Variants in ALG8 observed in about 807,000 individuals in gnomAD.
ALG8 encodes the protein ALG8 alpha-1,3-glucosyltransferase.
ALG8 carries 48 observed loss-of-function variants against 70.2 expected under a neutral mutation model. The ratio of observed to expected loss-of-function variants is 0.68; its 90% confidence interval spans 0.54 to 0.87. The LOEUF (loss-of-function observed/expected upper bound fraction) is 0.87. Among genes scored for constraint, ALG8 ranks in the 40% least tolerant of loss-of-function variants. ALG8 has a pLI of 0.00. For synonymous variants in ALG8, 234 were observed against 229.0 expected, an observed-to-expected ratio of 1.02 and a Z score of -0.20; for missense variants, 572 against 608.7, an observed-to-expected ratio of 0.94 and a Z score of 0.64.
chr11:78,134,403 G>A (rs971561417), intron 1 of ALG8, among the ~76,000 whole-genome samples: 4 of 152,162 alleles, frequency 2.6e-5, no homozygotes, highest in African/African-American at 9.7e-5. Flanking sequence ...CTCCCAAAAC[G>A]CTGGGATTAC....
intron 4 of ALG8, among the ~76,000 whole-genome samples, chr11:78,119,668 A>C: frequency 6.6e-6 from 1 of 152,078 alleles, no homozygotes; most frequent in Non-Finnish European, 1.5e-5. Flanking sequence ...TGACCTCGTG[A>C]TTCCCCAACC....
intron 1 of ALG8, among the ~76,000 whole-genome samples, chr11:78,132,617 G>T (rs535472641): frequency 6.6e-6 from 1 of 152,006 alleles, no homozygotes; most frequent in Admixed American, 6.6e-5. Flanking sequence ...GCCCAAATAG[G>T]TCAATACTTT....
rs544064268 is a variant in ALG8 at position 78,133,272 on chromosome 11, C to G, written c.96-5836G>C. 5 of 152,316 alleles carry G rather than the reference C, an allele frequency of 3.3e-5. No individual in the cohort carries two copies. The East Asian group carries it at 9.6e-4, about 29-fold the overall frequency. The allele number at this position is 152,316 out of a possible 1,614,324, so 9.4% of individuals were successfully genotyped here. On this transcript the variant is annotated intron_variant, in intron 1 of 12. Transcript: ENST00000299626. ...ATATCTATTTTTTCCTCCCTTCTAG[C>G]CTAGCAACAGTACCTGGTACATAAT...
At chr11:78,130,450 G>C (rs902882475) in intron 1 of ALG8, among the ~76,000 whole-genome samples, 2 of 150,486 alleles carry the variant, frequency 1.3e-5, no homozygotes, top group African/African-American at 4.9e-5. Context: ...TCTGCTTATT[G>C]ATCTATATGC....
At chr11:78,112,469 G>T in intron 8 of ALG8, 181 bp downstream of exon 8, 1 of 768,226 alleles carries the variant, frequency 1.3e-6, no homozygotes, top group Non-Finnish European at 2.1e-6. Context: ...AAAACAGTCT[G>T]TTTACTGCAC....
intron 1 of ALG8, among the ~76,000 whole-genome samples, chr11:78,136,908 T>G (rs1474382331): frequency 6.6e-6 from 1 of 150,834 alleles, no homozygotes; most frequent in Admixed American, 6.6e-5. Context: ...TTTCTTCCTT[T>G]TTTTTTTTTT....
At chr11:78,138,799 G>A (rs1861664973) in intron 1 of ALG8, 1 of 456,174 alleles carries the variant, frequency 2.2e-6, no homozygotes, top group African/African-American at 2.0e-5. Context: ...CAGTCTAACT[G>A]TGGTCTTCGA....
At chr11:78,128,366 C>G (rs572667060) in intron 1 of ALG8, among the ~76,000 whole-genome samples, 49 of 152,296 alleles carry the variant, frequency 3.2e-4, no homozygotes, top group African/African-American at 8.9e-4. Context: ...ATGAGTTCCA[C>G]AGCAAAGCCC....
intron 12 of ALG8, among the ~76,000 whole-genome samples, chr11:78,101,531 A>T (rs140829398): frequency 6.6e-6 from 1 of 152,336 alleles, no homozygotes; most frequent in African/African-American, 2.4e-5. Context: ...TGGGAGGCTG[A>T]GGCAGGAGAA....
chr11:78,121,008 T>C, intron 4 of ALG8, 57 bp downstream of exon 4: 1 of 1,408,924 alleles, frequency 7.1e-7, no homozygotes. Flanking sequence ...AACATTAATC[T>C]TGTATTAGTA....
intron 2 of ALG8, 146 bp downstream of exon 2, chr11:78,127,212 C>T (rs949282917): frequency 3.0e-6 from 2 of 677,408 alleles, no homozygotes; most frequent in Non-Finnish European, 5.0e-6. Context: ...CCCCTGACCT[C>T]ATGATCTGCC....
chr11:78,132,867 C>T (rs1861365086), intron 1 of ALG8, among the ~76,000 whole-genome samples: 1 of 136,244 alleles, frequency 7.3e-6, no homozygotes, highest in Admixed American at 8.0e-5. Context: ...GATGGAGTCT[C>T]ACTCTGTCGA....
intron 1 of ALG8, chr11:78,138,679 A>G (rs1016183585): frequency 1.1e-5 from 5 of 454,512 alleles, no homozygotes; most frequent in African/African-American, 1.0e-4. Flanking sequence ...GGGAAGGCGG[A>G]AGCCAATATT....
chr11:78,114,675 C>G (rs1360144116), intron 5 of ALG8: 1 of 450,924 alleles, frequency 2.2e-6, no homozygotes, highest in Non-Finnish European at 4.1e-6. Context: ...ATTTAAAAAA[C>G]TAAAATTAGG....
At chr11:78,127,795 C>T (rs1315739759) in intron 1 of ALG8, among the ~76,000 whole-genome samples, 5 of 150,752 alleles carry the variant, frequency 3.3e-5, no homozygotes, top group African/African-American at 9.8e-5. Flanking sequence ...CTGCAACTGC[C>T]GCCCCCCGGG....
chr11:78,120,673 A>G (rs1455309903), intron 4 of ALG8, among the ~76,000 whole-genome samples: 1 of 152,234 alleles, frequency 6.6e-6, no homozygotes, highest in African/African-American at 2.4e-5. Flanking sequence ...GTGGTAAGCC[A>G]AGATGGTAGA....
In ALG8 at chr11:78,101,144, C is replaced by A. The variant is rs374011165; in HGVS notation, c.1401G>T (p.Leu467=). 39 of 1,614,064 alleles carry A rather than the reference C, an allele frequency of 2.4e-5. No individual in the cohort carries two copies. The Middle Eastern group carries it at 4.9e-4, about 20-fold the overall frequency. The change falls in exon 13 of 13, where the codon CTG becomes CTT. Residue 467 remains leucine (L), a synonymous_variant. Transcript: ENST00000299626. Reference sequence around the variant, plus strand: ...ATTCACAGCAGACTTCCAGAGGCCCCAGGCCAAGCAGGTAGAAAGTTTCCA... The same window carrying A: ...ATTCACAGCAGACTTCCAGAGGCCCAAGGCCAAGCAGGTAGAAAGTTTCCA... ...NWMETFYLLG[L]GPLEVCCEFV...
chr11:78,101,893 G>C (rs757019011), intron 12 of ALG8, among the ~76,000 whole-genome samples: 1 of 152,130 alleles, frequency 6.6e-6, no homozygotes, highest in Non-Finnish European at 1.5e-5. Flanking sequence ...CCAGACTGGA[G>C]TGCAGTGGTG....
chr11:78,139,200 G>A (rs1861688717), intron 1 of ALG8: 2 of 449,800 alleles, frequency 4.4e-6, no homozygotes, highest in South Asian at 4.4e-5. Context: ...TGATAATACT[G>A]GCTGAATGGC....
Sources: allele counts gnomAD v4.1 joint callset (sites outside exome capture counted in the v4.1 genomes callset), GRCh38; gene constraint gnomAD v4.1.1; transcripts MANE v1.5; gene names NCBI Gene and HGNC (gene_info 2026-07-23, HGNC 2026-07-21).